Variants in CNTN4 observed in about 807,000 individuals in gnomAD.
CNTN4 encodes contactin-4.
CNTN4 carries 77 observed loss-of-function variants against 122.5 expected under a neutral mutation model. That is an observed-to-expected ratio of 0.63 (90% CI 0.52 to 0.76). CNTN4 has a LOEUF of 0.76. CNTN4 is among the 30% of genes least tolerant of loss of function. The probability of loss-of-function intolerance (pLI) is 0.00; values close to 1 mark genes in which losing one functional copy is unlikely to be tolerated. For synonymous variants in CNTN4, 512 were observed against 447.0 expected, an observed-to-expected ratio of 1.15 and a Z score of -1.83; for missense variants, 1,256 against 1,259.1, an observed-to-expected ratio of 1.00 and a Z score of 0.04.
chr3:2,992,078 T>C (rs1485592666), intron 14 of CNTN4, among the ~76,000 whole-genome samples: 1 of 152,152 alleles, frequency 6.6e-6, no homozygotes. Context: ...CTGAAGATAG[T>C]GTCAAACACA....
chr3:2,516,978 C>A (rs2077057784), intron 3 of CNTN4, among the ~76,000 whole-genome samples: 1 of 152,008 alleles, frequency 6.6e-6, no homozygotes, highest in African/African-American at 2.4e-5. Context: ...AGAGGAATGA[C>A]TGTATTGTGG....
At chr3:2,982,809 T>C (rs1694153427) in intron 13 of CNTN4, among the ~76,000 whole-genome samples, 1 of 152,210 alleles carries the variant, frequency 6.6e-6, no homozygotes, top group Admixed American at 6.5e-5. Flanking sequence ...TAGAAATGTG[T>C]ATGTTATTGT....
chr3:2,850,089 A>G (rs758753601), intron 7 of CNTN4, among the ~76,000 whole-genome samples: 60 of 150,274 alleles, frequency 4.0e-4, no homozygotes, highest in Admixed American at 2.3e-3. Flanking sequence ...TCCCGAGTTC[A>G]AGTGATTCTC....
At chr3:2,910,568 A>C (rs1407288930) in intron 12 of CNTN4, among the ~76,000 whole-genome samples, 2 of 151,986 alleles carry the variant, frequency 1.3e-5, no homozygotes, top group East Asian at 1.9e-4. Context: ...GATTAATTTA[A>C]CTCTATTGTA....
At chr3:2,888,293 T>C (rs2094000875) in intron 10 of CNTN4, among the ~76,000 whole-genome samples, 1 of 152,168 alleles carries the variant, frequency 6.6e-6, no homozygotes, top group Non-Finnish European at 1.5e-5. Flanking sequence ...CACATCTAGT[T>C]ATACCTGCTC....
intron 12 of CNTN4, among the ~76,000 whole-genome samples, chr3:2,921,676 C>T (rs2151330359): frequency 6.6e-6 from 1 of 152,294 alleles, no homozygotes; most frequent in South Asian, 2.1e-4. Flanking sequence ...TGTGATAGAA[C>T]TGGCATTACA....
chr3:2,515,578 G>A (rs1327509582), intron 3 of CNTN4, among the ~76,000 whole-genome samples: 1 of 151,986 alleles, frequency 6.6e-6, no homozygotes, highest in Non-Finnish European at 1.5e-5. Flanking sequence ...ACATGAGATA[G>A]GAAAAATATT....
chr3:2,878,551 C>CTGTGTGTGTGTGTG (rs1256548850), intron 8 of CNTN4, among the ~76,000 whole-genome samples: 6 of 64,854 alleles, frequency 9.3e-5, no homozygotes, highest in Admixed American at 2.1e-4. Flanking sequence ...AAGAGATGCT[C>CTGTGTGTGTGTGTG]TCTGTGTGTG....
intron 2 of CNTN4, among the ~76,000 whole-genome samples, chr3:2,122,839 C>T (rs1348460450): frequency 6.6e-6 from 1 of 152,134 alleles, no homozygotes; most frequent in Non-Finnish European, 1.5e-5. Context: ...TGATCGTGTA[C>T]CCAGGTAAAA....
chr3:2,761,729 T>G (rs1011658766), intron 6 of CNTN4, among the ~76,000 whole-genome samples: 4 of 152,158 alleles, frequency 2.6e-5, no homozygotes, highest in African/African-American at 9.7e-5. Context: ...AGTTGGCAGT[T>G]GTTCTGTCTA....
chr3:2,668,788 A>G (rs1173845230), intron 4 of CNTN4, among the ~76,000 whole-genome samples: 6 of 152,142 alleles, frequency 3.9e-5, no homozygotes, highest in Non-Finnish European at 5.9e-5. Context: ...ATTTATTGAG[A>G]GTTTTTAGCA....
intron 2 of CNTN4, among the ~76,000 whole-genome samples, chr3:2,136,362 C>A (rs917354970): frequency 1.3e-5 from 2 of 152,116 alleles, no homozygotes; most frequent in African/African-American, 2.4e-5. Flanking sequence ...TTGTTTCTTT[C>A]ACTAATGACT....
chr3:2,698,332 T>G (rs2086161511), intron 4 of CNTN4, among the ~76,000 whole-genome samples: 1 of 152,196 alleles, frequency 6.6e-6, no homozygotes, highest in Non-Finnish European at 1.5e-5. Context: ...ATTTATATAT[T>G]TGAGTTTCTG....
At chr3:2,774,831 T>A (rs1407025434) in intron 6 of CNTN4, among the ~76,000 whole-genome samples, 1 of 152,250 alleles carries the variant, frequency 6.6e-6, no homozygotes, top group Non-Finnish European at 1.5e-5. Flanking sequence ...TTATTTGTAT[T>A]AACCATCAAC....
intron 6 of CNTN4, among the ~76,000 whole-genome samples, chr3:2,762,514 G>A (rs573474787): frequency 1.3e-5 from 2 of 152,186 alleles, no homozygotes; most frequent in South Asian, 2.1e-4. Context: ...GGCTCCATCC[G>A]TGTCTCTGCA....
At chr3:3,002,488 A>G (rs747324479) in intron 14 of CNTN4, among the ~76,000 whole-genome samples, 7 of 152,200 alleles carry the variant, frequency 4.6e-5, no homozygotes, top group Non-Finnish European at 8.8e-5. Context: ...ATCCTGAGTT[A>G]TAAGGGTTGC....
intron 3 of CNTN4, among the ~76,000 whole-genome samples, chr3:2,373,750 A>T (rs961743896): frequency 6.6e-6 from 1 of 152,196 alleles, no homozygotes; most frequent in African/African-American, 2.4e-5. Context: ...GGACAGATAG[A>T]TACTGTGCAG....
chr3:3,042,024 G>C (rs907643389), intron 20 of CNTN4, among the ~76,000 whole-genome samples: 2 of 152,176 alleles, frequency 1.3e-5, no homozygotes, highest in Non-Finnish European at 2.9e-5. Context: ...TGCTAATTAA[G>C]AAGGATCTGT....
chr3:2,374,591 C>T (rs1192504358), intron 3 of CNTN4, among the ~76,000 whole-genome samples: 1 of 151,942 alleles, frequency 6.6e-6, no homozygotes, highest in Non-Finnish European at 1.5e-5. Flanking sequence ...GTAGGGACAT[C>T]ATGCATTCCT....
Sources: gnomAD v4.1 joint callset for allele counts (sites outside exome capture counted in the v4.1 genomes callset) on GRCh38, gnomAD v4.1.1 for gene constraint, MANE v1.5 for transcripts, NCBI Gene and HGNC (gene_info 2026-07-23, HGNC 2026-07-21) for gene names.